CRYBG1: variants seen among roughly 807,000 people sequenced by gnomAD.
CRYBG1 encodes the protein crystallin beta-gamma domain containing 1.
Under a neutral mutation model 189.2 loss-of-function variants are expected in CRYBG1, and 139 were observed. That is an observed-to-expected ratio of 0.73 (90% confidence interval 0.64 to 0.85). The LOEUF is 0.85. Ranked by LOEUF, CRYBG1 falls within the 40% of genes least tolerant of loss-of-function variation. The probability of loss-of-function intolerance (pLI) is 0.00; values close to 1 mark genes in which losing one functional copy is unlikely to be tolerated. For synonymous variants in CRYBG1, 1,023 were observed against 1,017.1 expected (o/e 1.01, Z -0.11); for missense variants, 2,611 against 2,675.8 (o/e 0.98, Z 0.53).
chr6:106,465,077 C>T (rs976867344), intron 2 of CRYBG1, among the ~76,000 whole-genome samples: 1 of 152,082 alleles, frequency 6.6e-6, no homozygotes, highest in Non-Finnish European at 1.5e-5. Context: ...GCGAAGTTCC[C>T]CTAATTCCCA....
intron 2 of CRYBG1, among the ~76,000 whole-genome samples, chr6:106,455,184 A>G (rs1384897882): frequency 6.6e-6 from 1 of 152,170 alleles, no homozygotes; most frequent in Non-Finnish European, 1.5e-5. Context: ...ATGTTTATTT[A>G]AAATATTTAT....
intron 3 of CRYBG1, among the ~76,000 whole-genome samples, chr6:106,516,215 TAG>T (rs1192271101): frequency 6.7e-6 from 1 of 150,280 alleles, no homozygotes; most frequent in Non-Finnish European, 1.5e-5. Flanking sequence ...CTGTCCCTTC[TAG>T]AAGCTCCTTA....
chr6:106,512,172 C>T lies in CRYBG1; in HGVS notation c.1055C>T (p.Ala352Val), dbSNP rs1328698213. The T allele has an allele frequency of 7.2e-6, 11 of 1,534,450 alleles. No homozygotes were observed. The highest frequency in any genetic ancestry group is 1.4e-5 in the African/African-American group (1 of 73,020). The change falls in exon 3 of 22, where the codon GCG becomes GTG. Residue 352 changes from alanine (A) to valine (V), a missense_variant. Physicochemically the swap from Ala to Val is moderately conservative, Grantham distance 64. Transcript: ENST00000633556. Reference sequence around the variant, plus strand: ...GGTGAGCCTCCGGCCGAGGGCGCAGCGCACACGGCCAGCTCCGCGCAGGCA... The same window carrying T: ...GGTGAGCCTCCGGCCGAGGGCGCAGTGCACACGGCCAGCTCCGCGCAGGCA... ...LPGEPPAEGA[A>V]HTASSAQADC...
At chr6:106,395,846 A>AT (rs1770596280) in intron 1 of CRYBG1, among the ~76,000 whole-genome samples, 1 of 151,632 alleles carries the variant, frequency 6.6e-6, no homozygotes, top group Non-Finnish European at 1.5e-5. Context: ...TTGGCATTTT[A>AT]TTTTTTGTTG....
chr6:106,519,800 C>T lies in CRYBG1; in HGVS notation c.2592C>T (p.Ser864=), dbSNP rs138743169. The change falls in exon 4 of 22, where the codon TCC becomes TCT. Residue 864 remains serine, a synonymous_variant. Transcript: ENST00000633556. ...AGCATACATTTTCTGACTCACAGTC[C>T]CCTGCTGAGTCATCTCCTGGGCCTT... ...KPQHTFSDSQ[S]PAESSPGPSL... 6.2e-7 allele frequency: 1 copy of T among 1,614,118 alleles called. No homozygotes were observed. Among genetic ancestry groups the T allele is most frequent in the Non-Finnish European group, 8.5e-7 (1 of 1,180,012 alleles).
In CRYBG1 at chr6:106,472,739, TAAA is replaced by T. The variant is rs34089235; in HGVS notation, c.312+20920_312+20922del. On this transcript the variant is annotated intron_variant, in intron 2 of 21. Coordinates refer to ENST00000633556, the MANE Select transcript of CRYBG1 (RefSeq NM_001371242.2). Reference sequence around the variant, plus strand: ...GCGAAACTTCATTTCCACAAAATATTAAAAAAAAAAAAAAATTAGCCAGGTGTG... The same window carrying T: ...GCGAAACTTCATTTCCACAAAATATTAAAAAAAAAAAATTAGCCAGGTGTG... 1.2e-3 allele frequency among the ~76,000 whole-genome samples: 174 copies of T among 144,716 alleles called. 1 individual carries two copies. Among genetic ancestry groups the T allele is most frequent in the African/African-American group, 4.1e-3 (159 of 38,772 alleles). 94.9% of individuals were successfully genotyped at this position (144,716 alleles called of 152,430 possible).
At chr6:106,366,697 C>T (rs1379879510) in intron 1 of CRYBG1, among the ~76,000 whole-genome samples, 1 of 152,182 alleles carries the variant, frequency 6.6e-6, no homozygotes, top group Admixed American at 6.5e-5. Flanking sequence ...AATTACACTT[C>T]TCTTATGGAG....
At chr6:106,381,318 G>A (rs1219594435) in intron 1 of CRYBG1, among the ~76,000 whole-genome samples, 1 of 152,152 alleles carries the variant, frequency 6.6e-6, no homozygotes, top group Non-Finnish European at 1.5e-5. Flanking sequence ...ATAGTGTCTT[G>A]TGGCCAAAAT....
chr6:106,436,969 C>A (rs1771472934), intron 1 of CRYBG1, among the ~76,000 whole-genome samples: 1 of 150,396 alleles, frequency 6.6e-6, no homozygotes, highest in South Asian at 2.1e-4. Context: ...AAAATTGTAT[C>A]CCAAGCCAGG....
chr6:106,529,265 A>T (rs1181922215), intron 7 of CRYBG1, among the ~76,000 whole-genome samples: 1 of 152,004 alleles, frequency 6.6e-6, no homozygotes, highest in Admixed American at 6.6e-5. Context: ...TAATTTTCTA[A>T]TTTGTTTCCT....
At chr6:106,558,382 C>T (rs1158196266) in intron 17 of CRYBG1, 104 bp from the exon 18 acceptor site, 4 of 1,010,272 alleles carry the variant, frequency 4.0e-6, no homozygotes, top group African/African-American at 1.6e-5. Flanking sequence ...AAGGCCAAAT[C>T]TAGCAGATTT....
intron 1 of CRYBG1, among the ~76,000 whole-genome samples, chr6:106,376,822 G>C (rs1562290185): frequency 6.6e-6 from 1 of 152,114 alleles, no homozygotes; most frequent in Non-Finnish European, 1.5e-5. Context: ...CAAGTGGTAC[G>C]CTCTTTATAT....
intron 3 of CRYBG1, 109 bp from the exon 4 acceptor site, chr6:106,519,022 T>C (rs866760823): frequency 1.7e-5 from 19 of 1,119,296 alleles, no homozygotes; most frequent in African/African-American, 8.2e-5. Context: ...ACTCCAAATG[T>C]TATATATCAG....
intron 2 of CRYBG1, among the ~76,000 whole-genome samples, chr6:106,455,209 A>AT (rs1455677027): frequency 2.6e-5 from 4 of 152,092 alleles, no homozygotes; most frequent in South Asian, 2.1e-4. Flanking sequence ...CTAACAGACC[A>AT]TTTTTTTCAC....
At chr6:106,477,997 G>A (rs1052124107) in intron 2 of CRYBG1, among the ~76,000 whole-genome samples, 1 of 152,232 alleles carries the variant, frequency 6.6e-6, no homozygotes, top group Non-Finnish European at 1.5e-5. Context: ...AAAGGAGGAG[G>A]GCACGGCTGT....
chr6:106,496,530 G>T (rs1772855352), intron 2 of CRYBG1, among the ~76,000 whole-genome samples: 1 of 151,778 alleles, frequency 6.6e-6, no homozygotes, highest in Non-Finnish European at 1.5e-5. Flanking sequence ...TTTAATCTAG[G>T]TTTAAGAGCG....
intron 1 of CRYBG1, among the ~76,000 whole-genome samples, chr6:106,403,062 G>T (rs1406453120): frequency 6.6e-6 from 1 of 152,184 alleles, no homozygotes. Context: ...TTGGCTGGGT[G>T]CAGTGGCTCA....
In CRYBG1 at chr6:106,525,195, T is replaced by C. The variant is rs762011835; in HGVS notation, c.4293+15T>C. ...GACCTGGAAAGGTAAGATTATTTTC[T>C]GTTTCTAGTCTTGATTCTATTTTGG... is the stretch of plus-strand genomic sequence containing the variant. On this transcript the variant is annotated intron_variant, in intron 5 of 21. Coordinates refer to ENST00000633556, the MANE Select transcript of CRYBG1 (RefSeq NM_001371242.2). The C allele has an allele frequency of 1.2e-6, 2 of 1,614,158 alleles. No homozygotes were observed. The highest frequency in any genetic ancestry group is 1.7e-6 in the Non-Finnish European group (2 of 1,179,990).
intron 10 of CRYBG1, among the ~76,000 whole-genome samples, chr6:106,542,066 A>G (rs1774142163): frequency 6.6e-6 from 1 of 151,742 alleles, no homozygotes; most frequent in Admixed American, 6.6e-5. Flanking sequence ...TTTTAACACT[A>G]CTTTAGAATC....
Sources: gnomAD v4.1 joint callset for allele counts (sites outside exome capture counted in the v4.1 genomes callset) on GRCh38, gnomAD v4.1.1 for gene constraint, MANE v1.5 for transcripts, NCBI Gene and HGNC (gene_info 2026-07-23, HGNC 2026-07-21) for gene names.